The following MTSS1 variants were observed in gnomAD, a reference collection of about 807,000 sequenced individuals.
MTSS1 encodes protein MTSS 1.
In MTSS1, 18 loss-of-function variants were observed where a neutral mutation model predicts 79.0. That is an observed-to-expected ratio of 0.23 (90% CI 0.16 to 0.34). MTSS1 has a LOEUF of 0.34. Ranked by LOEUF, MTSS1 falls within the 10% of genes least tolerant of loss-of-function variation. The pLI, the probability that MTSS1 is intolerant of heterozygous loss-of-function variation, is 1.00. For missense variants in MTSS1, 815 were observed against 986.2 expected (o/e 0.83, Z 2.33); for synonymous variants, 341 against 368.6 (o/e 0.93, Z 0.86).
intron 6 of MTSS1, among the ~76,000 whole-genome samples, chr8:124,577,976 T>C (rs1376916024): frequency 2.0e-5 from 3 of 152,128 alleles, no homozygotes; most frequent in African/African-American, 7.2e-5. Context: ...TGTGGGTGAG[T>C]GCATAGGCTG....
At chr8:124,712,843 T>C (rs1831368318) in intron 1 of MTSS1, among the ~76,000 whole-genome samples, 1 of 150,690 alleles carries the variant, frequency 6.6e-6, no homozygotes, top group Non-Finnish European at 1.5e-5. Flanking sequence ...CCATCTCCCC[T>C]TACAAACTGC....
chr8:124,556,600 T>C, intron 11 of MTSS1, 195 bp from the exon 12 acceptor site: 1 of 624,708 alleles, frequency 1.6e-6, no homozygotes, highest in Non-Finnish European at 2.7e-6. Flanking sequence ...GGGAGCCCCC[T>C]GTGTACCTCC....
chr8:124,659,318 T>C (rs1024295563), intron 3 of MTSS1, among the ~76,000 whole-genome samples: 1 of 152,226 alleles, frequency 6.6e-6, no homozygotes, highest in Admixed American at 6.5e-5. Context: ...ATTCTGTGTA[T>C]CTGAGAATTT....
At chr8:124,629,290 G>A (rs746748871) in intron 3 of MTSS1, among the ~76,000 whole-genome samples, 95 of 151,788 alleles carry the variant, frequency 6.3e-4, no homozygotes, top group Non-Finnish European at 8.8e-4. Flanking sequence ...TGAGGCGGGC[G>A]GATCACAAGG....
At chr8:124,571,706 T>C (rs7821505) in intron 6 of MTSS1, among the ~76,000 whole-genome samples, 101,165 of 152,088 alleles carry the variant, frequency 0.67, 33,834 homozygotes, top group Non-Finnish European at 0.7. Flanking sequence ...TGGCTCATGC[T>C]TCTAATCCCA....
intron 3 of MTSS1, among the ~76,000 whole-genome samples, chr8:124,630,520 T>C (rs1323634246): frequency 3.3e-5 from 5 of 152,214 alleles, no homozygotes; most frequent in Non-Finnish European, 7.3e-5. Flanking sequence ...CCTGACCCAC[T>C]GCATCACCGC....
rs1171777144 is a variant in MTSS1, at chr8:124,727,309, C to G, written c.72+575G>C. On this transcript the variant is annotated intron_variant, in intron 1 of 13. Coordinates refer to ENST00000518547, the MANE Select transcript of MTSS1 (RefSeq NM_014751.6). The surrounding 1 kb of genome is among the most constrained non-coding windows in gnomAD (Gnocchi z 4.7). ...GCCCCGCGGGAGGGCTAAGAGAGGGCACGCACACCTTTACCAGCTTCGGAA... is the reference window on the plus strand; with the variant it reads ...GCCCCGCGGGAGGGCTAAGAGAGGGGACGCACACCTTTACCAGCTTCGGAA... 6.6e-6 allele frequency among the ~76,000 whole-genome samples: 1 copy of G among 152,218 alleles called. No homozygotes were observed. Among genetic ancestry groups the G allele is most frequent in the African/African-American group, 2.4e-5 (1 of 41,468 alleles).
chr8:124,684,599 C>T (rs1826655187), intron 3 of MTSS1, among the ~76,000 whole-genome samples: 1 of 152,166 alleles, frequency 6.6e-6, no homozygotes. Flanking sequence ...ATTTGACCTG[C>T]TACATGTATT....
intron 6 of MTSS1, among the ~76,000 whole-genome samples, chr8:124,573,070 T>G (rs955849411): frequency 5.9e-5 from 9 of 152,208 alleles, no homozygotes; most frequent in Non-Finnish European, 8.8e-5. Flanking sequence ...AAAATGCAAA[T>G]ATTCTCACTG....
At chr8:124,601,779 G>A (rs1013065736) in intron 3 of MTSS1, among the ~76,000 whole-genome samples, 2 of 152,142 alleles carry the variant, frequency 1.3e-5, no homozygotes, top group East Asian at 1.9e-4. Flanking sequence ...CACTAGCCAC[G>A]GCTACACAGC....
chr8:124,588,776 G>A (rs1831316315), intron 5 of MTSS1, among the ~76,000 whole-genome samples: 1 of 152,198 alleles, frequency 6.6e-6, no homozygotes, highest in East Asian at 1.9e-4. Context: ...GTGCAGTGGT[G>A]CAATCTCTGC....
At chr8:124,576,496 A>T (rs1038712736) in intron 6 of MTSS1, among the ~76,000 whole-genome samples, 9 of 152,200 alleles carry the variant, frequency 5.9e-5, no homozygotes, top group Admixed American at 5.9e-4. Context: ...CGTGCTGGGG[A>T]GAGCTTGAGT....
rs1224913198 is a variant in MTSS1, at chr8:124,552,844, T to C, written c.*148A>G. The C allele has an allele frequency of 1.4e-6, 1 of 708,504 alleles. No individual in the cohort carries two copies. Among genetic ancestry groups the C allele is most frequent in the Non-Finnish European group, 2.3e-6 (1 of 437,946 alleles). 43.9% of individuals were successfully genotyped at this position (708,504 alleles called of 1,614,324 possible). Reference sequence around the variant, plus strand: ...CAGTTACATAGGTTGGTTTTAATTCTTATCTAAAGGTGTCGAGTACTTTCA... The same window carrying C: ...CAGTTACATAGGTTGGTTTTAATTCCTATCTAAAGGTGTCGAGTACTTTCA... On this transcript the variant is annotated 3_prime_UTR_variant, in exon 14 of 14. Transcript: ENST00000518547.
intron 11 of MTSS1, 150 bp downstream of exon 11, chr8:124,557,531 G>A (rs1824150369): frequency 9.3e-6 from 8 of 857,910 alleles, no homozygotes; most frequent in Non-Finnish European, 1.4e-5. Context: ...CTCCCCCAAT[G>A]GGAGTTTCCT....
In MTSS1 at chr8:124,556,590, G is replaced by C. The variant is rs556171116; in HGVS notation, c.1231-185C>G. The C allele has an allele frequency of 1.4e-4, 92 of 661,684 alleles. 1 individual carries two copies. Among genetic ancestry groups the C allele is most frequent in the Non-Finnish European group, 2.1e-4 (85 of 398,882 alleles). 41.0% of individuals were successfully genotyped at this position (661,684 alleles called of 1,614,324 possible). A position where few individuals can be genotyped will look rare whatever the true frequency, so the allele number is the denominator to read the frequency against. On this transcript the variant is annotated intron_variant, in intron 11 of 13. Transcript: ENST00000518547. ...AAAGGGCAAGGAATGGAAACCCTTT[G>C]GGAGCCCCCTGTGTACCTCCCTTTT... is the stretch of plus-strand genomic sequence containing the variant.
At chr8:124,649,248 G>C (rs1278225535) in intron 3 of MTSS1, among the ~76,000 whole-genome samples, 1 of 152,222 alleles carries the variant, frequency 6.6e-6, no homozygotes, top group Admixed American at 6.5e-5. Context: ...TTGTGAGAGA[G>C]ACGGTAGTCT....
chr8:124,663,637 T>C (rs28446553), intron 3 of MTSS1, among the ~76,000 whole-genome samples: 7,349 of 152,214 alleles, frequency 0.048, 591 homozygotes, highest in African/African-American at 0.17. Context: ...TGTGGCTCCT[T>C]ATTCCTGAGG....
At chr8:124,709,777 C>CCA (rs1450353463) in intron 1 of MTSS1, among the ~76,000 whole-genome samples, 1 of 152,168 alleles carries the variant, frequency 6.6e-6, no homozygotes, top group Non-Finnish European at 1.5e-5. Flanking sequence ...CCCACACTCC[C>CCA]CACACACACC....
chr8:124,585,324 C>T (rs1409058147), intron 5 of MTSS1, among the ~76,000 whole-genome samples, 163 bp from the exon 6 acceptor site: 3 of 152,104 alleles, frequency 2.0e-5, no homozygotes, highest in Admixed American at 6.5e-5. Flanking sequence ...ACATTTACAA[C>T]AAAGGGGCTA....
Sources: gnomAD v4.1 joint callset for allele counts (sites outside exome capture counted in the v4.1 genomes callset) on GRCh38, gnomAD v4.1.1 for gene constraint, Gnocchi (gnomAD v3.1) non-coding constraint, MANE v1.5 for transcripts, NCBI Gene and HGNC (gene_info 2026-07-23, HGNC 2026-07-21) for gene names.